The following ZMAT3 variants were observed in gnomAD, a reference collection of about 807,000 sequenced individuals.
ZMAT3 encodes zinc finger matrin-type protein 3.
Under a neutral mutation model 32.3 loss-of-function variants are expected in ZMAT3, and 17 were observed. The ratio of observed to expected loss-of-function variants is 0.53; its 90% CI spans 0.36 to 0.79. The LOEUF is 0.79. Ranked by LOEUF, ZMAT3 falls within the 30% of genes least tolerant of loss-of-function variation. The pLI is 0.00. For missense variants in ZMAT3, 329 were observed against 359.7 expected (o/e 0.91, Z 0.69); for synonymous variants, 120 against 133.1 (o/e 0.90, Z 0.68).
chr3:179,041,797 T>A lies in ZMAT3; in HGVS notation c.271-10798A>T, dbSNP rs1046766254. The stretch of plus-strand genomic sequence containing the variant: ...TCAAAAAATCACTGAATCCAGGAGC[T>A]GTTTTTTTTAAAAGATCAACAAAAT... On this transcript the variant is annotated intron_variant, in intron 2 of 5. Coordinates refer to ENST00000311417, the MANE Select transcript of ZMAT3 (RefSeq NM_022470.4). Among the ~76,000 whole-genome samples, 10 of 150,728 alleles carry A rather than the reference T, an allele frequency of 6.6e-5. No individual in the cohort carries two copies. The East Asian group carries it at 8.3e-4, about 12-fold the overall frequency.
chr3:179,042,761 T>C (rs1287836316), intron 2 of ZMAT3, among the ~76,000 whole-genome samples: 2 of 152,168 alleles, frequency 1.3e-5, no homozygotes, highest in Non-Finnish European at 2.9e-5. Context: ...GGGTATTCAA[T>C]TAGGAGAAGA....
chr3:179,035,507 C>A (rs757001887), intron 2 of ZMAT3, among the ~76,000 whole-genome samples: 5 of 152,200 alleles, frequency 3.3e-5, no homozygotes, highest in Non-Finnish European at 5.9e-5. Context: ...ACCACTCCCC[C>A]TCTCCACACC....
chr3:179,029,666 T>A (rs1421064905), intron 3 of ZMAT3, among the ~76,000 whole-genome samples: 1 of 152,036 alleles, frequency 6.6e-6, no homozygotes, highest in African/African-American at 2.4e-5. Context: ...TAAGGATGAA[T>A]AAAATACCAA....
intron 2 of ZMAT3, among the ~76,000 whole-genome samples, chr3:179,031,661 C>T (rs1338137518): frequency 1.3e-5 from 2 of 152,080 alleles, no homozygotes; most frequent in Non-Finnish European, 2.9e-5. Flanking sequence ...TATCTCAGCA[C>T]TTTGGGAGGC....
At chr3:179,033,068 AAG>A (rs1719375196) in intron 2 of ZMAT3, among the ~76,000 whole-genome samples, 1 of 152,356 alleles carries the variant, frequency 6.6e-6, no homozygotes, top group African/African-American at 2.4e-5. Flanking sequence ...GGGGAAAGGA[AAG>A]AGAGATCAGA....
rs1192630217 is a variant in ZMAT3, at chr3:179,021,768, T to C, written c.*3249A>G. The C allele has an allele frequency of 6.6e-6, 1 of 152,232 alleles. No homozygotes were observed. Among genetic ancestry groups the C allele is most frequent in the Non-Finnish European group, 1.5e-5 (1 of 68,032 alleles). The allele number at this position is 152,232 out of a possible 1,614,324, so 9.4% of individuals were successfully genotyped here. Reference sequence around the variant, plus strand: ...CAGAGAAAAAACACTGTTTATGGAATACATGAATATGAGAAATTGTACCAT... The same window carrying C: ...CAGAGAAAAAACACTGTTTATGGAACACATGAATATGAGAAATTGTACCAT... On this transcript the variant is annotated 3_prime_UTR_variant, in exon 6 of 6. Coordinates refer to ENST00000311417, the MANE Select transcript of ZMAT3 (RefSeq NM_022470.4).
chr3:179,031,236 T>C (rs1033034651), intron 2 of ZMAT3, among the ~76,000 whole-genome samples: 1 of 148,616 alleles, frequency 6.7e-6, no homozygotes, highest in Non-Finnish European at 1.5e-5. Flanking sequence ...GTTATGTATG[T>C]ACAGGAAAAA....
chr3:179,033,082 T>G (rs921056153), intron 2 of ZMAT3, among the ~76,000 whole-genome samples: 5 of 152,250 alleles, frequency 3.3e-5, no homozygotes, highest in African/African-American at 7.2e-5. Context: ...GAGATCAGAT[T>G]GTTACTGTGT....
intron 2 of ZMAT3, among the ~76,000 whole-genome samples, chr3:179,033,051 G>T (rs572016693): frequency 2.3e-4 from 35 of 152,380 alleles, no homozygotes; most frequent in Non-Finnish European, 1.2e-4. Context: ...AGAAAAGGGG[G>T]AAGTGTGGGG....
chr3:179,054,692 T>G (rs183409681), intron 2 of ZMAT3, among the ~76,000 whole-genome samples: 191 of 152,328 alleles, frequency 1.3e-3, no homozygotes, highest in African/African-American at 4.4e-3. Flanking sequence ...CCGTGTTTGC[T>G]AAGGCTGGAG....
At chr3:179,054,177 A>G (rs180940642) in intron 2 of ZMAT3, among the ~76,000 whole-genome samples, 20 of 152,350 alleles carry the variant, frequency 1.3e-4, no homozygotes, top group African/African-American at 4.1e-4. Context: ...AGCTGGGACA[A>G]TCTGGTTCCA....
rs201815010 is a variant in ZMAT3 at position 179,067,522 on chromosome 3, G to A, written c.231C>T (p.Val77=). The A allele has an allele frequency of 1.3e-4, 216 of 1,614,068 alleles. No homozygotes were observed. The highest frequency in any genetic ancestry group is 1.7e-4 in the Non-Finnish European group (205 of 1,180,042). The part of the protein sequence containing the change: ...CKPLYCKLCN[V]TLNSAQQAQA... ...GGGCTTGCTGTGCAGAGTTCAAGGT[G>A]ACATTGCAGAGTTTGCAGTACAGGG... Residue 77 remains valine, a synonymous_variant, in exon 2 of 6, where the codon GTC becomes GTT. Coordinates refer to ENST00000311417, the MANE Select transcript of ZMAT3 (RefSeq NM_022470.4).
intron 2 of ZMAT3, among the ~76,000 whole-genome samples, chr3:179,060,840 C>A (rs765068950): frequency 3.3e-5 from 5 of 151,772 alleles, no homozygotes; most frequent in Admixed American, 6.6e-5. Flanking sequence ...AAGAAAGACA[C>A]AAAATTAAAA....
chr3:179,058,201 C>A (rs545892444), intron 2 of ZMAT3, among the ~76,000 whole-genome samples: 1 of 152,146 alleles, frequency 6.6e-6, no homozygotes, highest in African/African-American at 2.4e-5. Context: ...ATGACGTGAA[C>A]GGCATACTCA....
chr3:179,068,184 C>T (rs1287228291), intron 1 of ZMAT3, among the ~76,000 whole-genome samples: 1 of 152,212 alleles, frequency 6.6e-6, no homozygotes, highest in Non-Finnish European at 1.5e-5. Flanking sequence ...CACTTAAACA[C>T]TCTTAATGAT....
At chr3:179,037,856 A>T (rs779663074) in intron 2 of ZMAT3, among the ~76,000 whole-genome samples, 1 of 152,194 alleles carries the variant, frequency 6.6e-6, no homozygotes, top group Non-Finnish European at 1.5e-5. Context: ...CCATTCTAAG[A>T]AAAGGAGATA....
intron 2 of ZMAT3, 27 bp downstream of exon 2, chr3:179,067,456 A>G: frequency 6.2e-7 from 1 of 1,610,360 alleles, no homozygotes; most frequent in Non-Finnish European, 8.5e-7. Flanking sequence ...ACCCTACTCA[A>G]TGCCTGGTTT....
chr3:179,048,993 A>G (rs1468567962), intron 2 of ZMAT3, among the ~76,000 whole-genome samples: 2 of 152,234 alleles, frequency 1.3e-5, no homozygotes, highest in African/African-American at 4.8e-5. Context: ...TTCTATGCAA[A>G]TGGACAACAA....
intron 2 of ZMAT3, among the ~76,000 whole-genome samples, chr3:179,054,560 T>C (rs972281285): frequency 6.6e-6 from 1 of 152,222 alleles, no homozygotes; most frequent in African/African-American, 2.4e-5. Context: ...AATGTAACAT[T>C]AAAATTTAAA....
Sources: allele counts gnomAD v4.1 joint callset (sites outside exome capture counted in the v4.1 genomes callset), GRCh38; gene constraint gnomAD v4.1.1; transcripts MANE v1.5; gene names NCBI Gene and HGNC (gene_info 2026-07-23, HGNC 2026-07-21).